Variants in NPEPPS observed in about 807,000 individuals in gnomAD.
NPEPPS encodes puromycin-sensitive aminopeptidase.
A neutral mutation model predicts 115.5 loss-of-function variants in NPEPPS; 14 were observed. The ratio of observed to expected loss-of-function variants is 0.12; its 90% CI spans 0.08 to 0.19. The LOEUF is 0.19. NPEPPS is among the 10% of genes least tolerant of loss of function. The pLI is 1.00. For missense variants in NPEPPS, 523 were observed against 1,110.8 expected, an observed-to-expected ratio of 0.47 and a Z score of 7.52; for synonymous variants, 285 against 390.6, an observed-to-expected ratio of 0.73 and a Z score of 3.19.
At position 47,601,621 on chromosome 17, in the gene NPEPPS, C is replaced by G; in HGVS notation, c.1614C>G (p.Pro538=). 6.2e-7 allele frequency: 1 copy of G among 1,612,954 alleles called. No homozygotes were observed. The highest frequency in any genetic ancestry group is 8.5e-7 in the Non-Finnish European group (1 of 1,179,568). ...AGGSYVGEDC[P]QWMVPITIST... The stretch of plus-strand genomic sequence containing the variant: ...TCTCTGGCTTAGGTGAAGATTGTCC[C>G]CAGTGGATGGTCCCTATCACAATCT... The change falls in exon 15 of 23, where the codon CCC becomes CCG. Residue 538 remains proline (P), a synonymous_variant. Coordinates refer to ENST00000322157, the MANE Select transcript of NPEPPS (RefSeq NM_006310.4).
intron 2 of NPEPPS, among the ~76,000 whole-genome samples, chr17:47,562,875 A>C (rs1910531225): frequency 6.6e-6 from 1 of 150,816 alleles, no homozygotes; most frequent in East Asian, 1.9e-4. Context: ...TTTTAATTGC[A>C]GTGTTATTCT....
chr17:47,606,348 A>AT (rs1166874522), intron 17 of NPEPPS, among the ~76,000 whole-genome samples: 3 of 152,160 alleles, frequency 2.0e-5, no homozygotes, highest in Non-Finnish European at 4.4e-5. Context: ...ACATATCATT[A>AT]TTTTTTATCA....
At chr17:47,575,575 T>C (rs1911464914) in intron 3 of NPEPPS, among the ~76,000 whole-genome samples, 1 of 142,244 alleles carries the variant, frequency 7.0e-6, no homozygotes, top group South Asian at 2.2e-4. Context: ...GGTGTGACAA[T>C]ATTGAATTAT....
intron 5 of NPEPPS, among the ~76,000 whole-genome samples, chr17:47,584,478 ACT>A (rs1385961317): frequency 6.6e-6 from 1 of 151,936 alleles, no homozygotes; most frequent in Non-Finnish European, 1.5e-5. Context: ...CCTGAAAATA[ACT>A]CTTTTATGTA....
chr17:47,542,754 T>C (rs1357214787), intron 1 of NPEPPS, among the ~76,000 whole-genome samples: 2 of 152,150 alleles, frequency 1.3e-5, no homozygotes, highest in Admixed American at 6.6e-5. Flanking sequence ...TTATTTTAGA[T>C]TTAGAACATT....
At chr17:47,615,082 T>TTC (rs1914120334) in intron 19 of NPEPPS, among the ~76,000 whole-genome samples, 2 of 43,512 alleles carry the variant, frequency 4.6e-5, no homozygotes, top group African/African-American at 1.1e-4. Context: ...TCTTTTTTTT[T>TTC]TTTTTTTTTT....
At chr17:47,606,131 C>T (rs1913502066) in intron 17 of NPEPPS, among the ~76,000 whole-genome samples, 1 of 152,106 alleles carries the variant, frequency 6.6e-6, no homozygotes, top group South Asian at 2.1e-4. Context: ...CCTGCCTCGG[C>T]CTCCCAAGTT....
chr17:47,529,377 A>T (rs1158083040), upstream of NPEPPS, among the ~76,000 whole-genome samples: 2 of 148,206 alleles, frequency 1.3e-5, no homozygotes, highest in Non-Finnish European at 3.0e-5. Context: ...AGCTGGGATC[A>T]TAGGCACACG....
At chr17:47,586,797 A>C in intron 8 of NPEPPS, 1 of 462,928 alleles carries the variant, frequency 2.2e-6, no homozygotes, top group Non-Finnish European at 4.3e-6. Context: ...TCTGTAAACA[A>C]GTTTTTGCCT....
At chr17:47,578,173 G>A (rs1225007773) in intron 3 of NPEPPS, among the ~76,000 whole-genome samples, 1 of 149,034 alleles carries the variant, frequency 6.7e-6, no homozygotes, top group Non-Finnish European at 1.5e-5. Context: ...CTGTACTCCA[G>A]CCTGGGCAAC....
chr17:47,603,957 T>C lies in NPEPPS; in HGVS notation c.1783T>C (p.Ser595Pro). Residue 595 changes from serine to proline, a missense_variant, in exon 16 of 23, where the codon TCT becomes CCT. Coordinates refer to ENST00000322157, the MANE Select transcript of NPEPPS (RefSeq NM_006310.4). ...TVGFYRTQYS[S>P]AMLESLLPGI... ...TGGGTTTTATCGGACCCAGTACAGCTCTGCCATGCTGGAAAGTTTATTACC... is the reference window on the plus strand; with the variant it reads ...TGGGTTTTATCGGACCCAGTACAGCCCTGCCATGCTGGAAAGTTTATTACC... 6.2e-7 allele frequency: 1 copy of C among 1,613,594 alleles called. No individual in the cohort carries two copies. The highest frequency in any genetic ancestry group is 1.1e-5 in the South Asian group (1 of 91,018).
At chr17:47,592,840 G>C (rs1912595795) in intron 12 of NPEPPS, among the ~76,000 whole-genome samples, 1 of 152,016 alleles carries the variant, frequency 6.6e-6, no homozygotes, top group South Asian at 2.1e-4. Flanking sequence ...GGGCCATGTT[G>C]GTTTGCTGCA....
intron 1 of NPEPPS, among the ~76,000 whole-genome samples, chr17:47,537,864 A>G (rs1908416669): frequency 6.6e-6 from 1 of 150,814 alleles, no homozygotes; most frequent in African/African-American, 2.4e-5. Flanking sequence ...ATGTACTATA[A>G]TTTATCAGTT....
chr17:47,568,886 C>T (rs1206463123), intron 2 of NPEPPS, among the ~76,000 whole-genome samples: 2 of 150,380 alleles, frequency 1.3e-5, no homozygotes, highest in Non-Finnish European at 3.0e-5. Context: ...AACTCCTGAC[C>T]CCAGGTGACC....
At chr17:47,612,815 A>G (rs1195558395) in intron 18 of NPEPPS, among the ~76,000 whole-genome samples, 3 of 151,966 alleles carry the variant, frequency 2.0e-5, no homozygotes, top group African/African-American at 7.3e-5. Context: ...AGGCGCCGCC[A>G]CCACGCCCAG....
intron 9 of NPEPPS, among the ~76,000 whole-genome samples, chr17:47,590,198 GT>G (rs1044769734): frequency 2.0e-5 from 3 of 152,008 alleles, no homozygotes; most frequent in Non-Finnish European, 4.4e-5. Flanking sequence ...CCCTGTCTGG[GT>G]TTGCGGGAGA....
At position 47,623,222 on chromosome 17, in the gene NPEPPS, T is replaced by TA. The variant is rs546471628; in HGVS notation, c.*1309dup. 73 of 174,680 alleles carry TA rather than the reference T, an allele frequency of 4.2e-4. No individual in the cohort carries two copies. Among genetic ancestry groups the TA allele is most frequent in the Middle Eastern group, 5.3e-3 (2 of 378 alleles). The allele number at this position is 174,680 out of a possible 1,614,324, so 10.8% of individuals were successfully genotyped here. On this transcript the variant is annotated 3_prime_UTR_variant, in exon 23 of 23. Coordinates refer to ENST00000322157, the MANE Select transcript of NPEPPS (RefSeq NM_006310.4). ...TTGAAACATTTTTGTGCTATTGTTT[T>TA]AAAAAAATAATTAAAAAACAGTTGG... is the stretch of plus-strand genomic sequence containing the variant.
intron 16 of NPEPPS, 113 bp from the exon 17 acceptor site, chr17:47,605,220 C>T (rs963581309): frequency 1.5e-6 from 1 of 658,048 alleles, no homozygotes. Context: ...CTTATACAGT[C>T]CCATTTCCTT....
At chr17:47,538,650 C>T (rs1199367532) in intron 1 of NPEPPS, among the ~76,000 whole-genome samples, 3 of 151,646 alleles carry the variant, frequency 2.0e-5, no homozygotes, top group African/African-American at 4.8e-5. Flanking sequence ...CTGCCTCATC[C>T]TCCCAAGTAG....
Sources: gnomAD v4.1 joint callset for allele counts (sites outside exome capture counted in the v4.1 genomes callset) on GRCh38, gnomAD v4.1.1 for gene constraint, MANE v1.5 for transcripts, NCBI Gene and HGNC (gene_info 2026-07-23, HGNC 2026-07-21) for gene names.